SPIDR: variants seen among roughly 807,000 people sequenced by gnomAD.
The protein encoded by SPIDR is scaffold protein involved in DNA repair.
A neutral mutation model predicts 104.6 loss-of-function variants in SPIDR; 93 were observed. The ratio of observed to expected loss-of-function variants is 0.89; its 90% CI spans 0.75 to 1.06. SPIDR has a LOEUF of 1.06. SPIDR is among the 50% of genes least tolerant of loss of function. The pLI, the probability that SPIDR is intolerant of heterozygous loss-of-function variation, is 0.00. For synonymous variants in SPIDR, 431 were observed against 416.9 expected (o/e 1.03, Z -0.41); for missense variants, 1,154 against 1,111.2 (o/e 1.04, Z -0.55).
At chr8:47,306,940 CT>C (rs1272093454) in intron 5 of SPIDR, among the ~76,000 whole-genome samples, 1 of 152,122 alleles carries the variant, frequency 6.6e-6, no homozygotes, top group Non-Finnish European at 1.5e-5. Flanking sequence ...CATGGAATAT[CT>C]TTTTCTGTCT....
At chr8:47,436,865 G>T (rs758716145) in intron 7 of SPIDR, among the ~76,000 whole-genome samples, 52 of 152,302 alleles carry the variant, frequency 3.4e-4, no homozygotes, top group Admixed American at 7.8e-4. Context: ...TTTGTAGAAA[G>T]AGCTTTAGAA....
intron 5 of SPIDR, among the ~76,000 whole-genome samples, chr8:47,366,546 G>A (rs2057245633): frequency 6.6e-6 from 1 of 152,214 alleles, no homozygotes; most frequent in Non-Finnish European, 1.5e-5. Flanking sequence ...TGGCGAGGAA[G>A]GGCAAGTTGT....
chr8:47,715,402 C>G (rs184415120), intron 16 of SPIDR, among the ~76,000 whole-genome samples: 2 of 152,226 alleles, frequency 1.3e-5, no homozygotes, highest in East Asian at 3.9e-4. Context: ...GTCTCGAACT[C>G]CTGACCTCAG....
At chr8:47,346,423 A>G (rs2052047075) in intron 5 of SPIDR, among the ~76,000 whole-genome samples, 1 of 151,730 alleles carries the variant, frequency 6.6e-6, no homozygotes, top group African/African-American at 2.4e-5. Context: ...TTGGTCTAAA[A>G]CTCTCTTTTT....
chr8:47,366,741 G>C (rs73565216), intron 5 of SPIDR, among the ~76,000 whole-genome samples: 1 of 152,180 alleles, frequency 6.6e-6, no homozygotes, highest in Non-Finnish European at 1.5e-5. Context: ...GTTTAAGTGC[G>C]TCTTGGGTAT....
chr8:47,351,192 A>T (rs182767388), intron 5 of SPIDR, among the ~76,000 whole-genome samples: 1 of 152,268 alleles, frequency 6.6e-6, no homozygotes, highest in East Asian at 1.9e-4. Context: ...TAATCTCTTT[A>T]CTGTGTCTGA....
At chr8:47,660,973 GAAAC>G (rs952323504) in intron 10 of SPIDR, 15 of 985,356 alleles carry the variant, frequency 1.5e-5, no homozygotes, top group Middle Eastern at 1.0e-3. Context: ...AACTGGGTGT[GAAAC>G]AAATTCACAT....
intron 11 of SPIDR, among the ~76,000 whole-genome samples, chr8:47,676,510 T>G (rs1313105583): frequency 7.9e-6 from 1 of 127,040 alleles, no homozygotes; most frequent in Non-Finnish European, 1.9e-5. Context: ...AAACACAACA[T>G]TCTCTCTCTT....
At chr8:47,692,664 A>AT (rs2078836886) in intron 11 of SPIDR, among the ~76,000 whole-genome samples, 1 of 151,618 alleles carries the variant, frequency 6.6e-6, no homozygotes, top group Non-Finnish European at 1.5e-5. Flanking sequence ...CACCCAGCTA[A>AT]TTCGAACTCC....
chr8:47,372,058 T>A lies in SPIDR; in HGVS notation c.526-24318T>A, dbSNP rs529225881. Among the ~76,000 whole-genome samples, 54 of 152,278 alleles carry A rather than the reference T, an allele frequency of 3.5e-4. No homozygotes were observed. In the East Asian group the frequency reaches 5.8e-3, roughly 16 times the overall value. ...TATGAAACATTTACTCATTTTCAAG[T>A]CACCTCTTCTGGGAAGACTTCCCCA... On this transcript the variant is annotated intron_variant, in intron 5 of 19. Coordinates refer to ENST00000297423, the MANE Select transcript of SPIDR (RefSeq NM_001080394.4).
rs1194825629 is a variant in SPIDR, at chr8:47,387,131, TC to T, written c.526-9244del. Among the ~76,000 whole-genome samples the T allele has an allele frequency of 5.9e-5, 9 of 152,084 alleles. No individual in the cohort carries two copies. In the East Asian group the frequency reaches 9.7e-4, roughly 16 times the overall value. On this transcript the variant is annotated intron_variant, in intron 5 of 19. Coordinates refer to ENST00000297423, the MANE Select transcript of SPIDR (RefSeq NM_001080394.4). ...TTGGGGTGGGAATGAGGAAGCATATTCTAGGGCAGAAAGGGCTATGGCATCC... is the reference window on the plus strand; with the variant it reads ...TTGGGGTGGGAATGAGGAAGCATATTTAGGGCAGAAAGGGCTATGGCATCC...
At chr8:47,450,370 A>G (rs917046112) in intron 8 of SPIDR, among the ~76,000 whole-genome samples, 23 of 152,276 alleles carry the variant, frequency 1.5e-4, no homozygotes, top group African/African-American at 5.3e-4. Flanking sequence ...TATGGTAATG[A>G]CATAAATCCA....
At chr8:47,471,051 G>C (rs1172568329) in intron 8 of SPIDR, among the ~76,000 whole-genome samples, 1 of 152,116 alleles carries the variant, frequency 6.6e-6, no homozygotes, top group Non-Finnish European at 1.5e-5. Context: ...ACTCTTAAGA[G>C]CCAAAACTAT....
intron 5 of SPIDR, among the ~76,000 whole-genome samples, chr8:47,375,740 A>G (rs1479486703): frequency 2.6e-5 from 4 of 152,112 alleles, no homozygotes; most frequent in African/African-American, 9.7e-5. Flanking sequence ...GGTGCGCACC[A>G]CTGTGCCCAG....
At chr8:47,451,133 T>C (rs2071643411) in intron 8 of SPIDR, among the ~76,000 whole-genome samples, 1 of 152,158 alleles carries the variant, frequency 6.6e-6, no homozygotes, top group African/African-American at 2.4e-5. Context: ...GTCTTAAATA[T>C]GTTCAAGGAG....
intron 8 of SPIDR, among the ~76,000 whole-genome samples, chr8:47,534,145 C>T (rs2086519208): frequency 6.6e-6 from 1 of 152,222 alleles, no homozygotes; most frequent in South Asian, 2.1e-4. Flanking sequence ...GAAGAGGTGC[C>T]TTGCACCATG....
chr8:47,275,744 G>A (rs1164349153), intron 1 of SPIDR, among the ~76,000 whole-genome samples: 4 of 152,180 alleles, frequency 2.6e-5, no homozygotes, highest in Non-Finnish European at 4.4e-5. Flanking sequence ...TACCCCATAC[G>A]TAATTTTGTA....
At chr8:47,472,190 A>G (rs145417858) in intron 8 of SPIDR, among the ~76,000 whole-genome samples, 1 of 152,364 alleles carries the variant, frequency 6.6e-6, no homozygotes, top group African/African-American at 2.4e-5. Context: ...GCTGTGTTGA[A>G]CAAAGCTGTA....
At position 47,673,971 on chromosome 8, in the gene SPIDR, T is replaced by G. The variant is rs186176440; in HGVS notation, c.1685+30T>G. On this transcript the variant is annotated intron_variant, in intron 11 of 19. Transcript: ENST00000297423. ...GAACGTGCAGGAATGGCATCCAATT[T>G]GCTACAATTGTTGGTTCTTTTTCTT... 9.8e-4 allele frequency: 1,572 copies of G among 1,601,276 alleles called. 16 individuals carry two copies. In the South Asian group the frequency reaches 0.011, roughly 11 times the overall value.
Sources: gnomAD v4.1 joint callset for allele counts (sites outside exome capture counted in the v4.1 genomes callset) on GRCh38, gnomAD v4.1.1 for gene constraint, MANE v1.5 for transcripts, NCBI Gene and HGNC (gene_info 2026-07-23, HGNC 2026-07-21) for gene names.